Variants in SLC16A2 observed in about 807,000 individuals in gnomAD.
The protein encoded by SLC16A2 is solute carrier family 16 member 2.
A neutral mutation model predicts 27.2 loss-of-function variants in SLC16A2; 3 were observed. The ratio of observed to expected loss-of-function variants is 0.11; its 90% CI spans 0.05 to 0.28. The LOEUF is 0.28. Among genes scored for constraint, SLC16A2 ranks in the 10% least tolerant of loss-of-function variants. The probability of loss-of-function intolerance (pLI) is 1.00; values close to 1 mark genes in which losing one functional copy is unlikely to be tolerated. For synonymous variants in SLC16A2, 202 were observed against 187.8 expected (o/e 1.08, Z -0.62); for missense variants, 295 against 458.5 (o/e 0.64, Z 3.26).
chrX:74,463,711 T>G (rs1453575838), intron 1 of SLC16A2, among the ~76,000 whole-genome samples: 1 of 111,430 alleles, frequency 9.0e-6, no homozygotes, highest in Non-Finnish European at 1.9e-5. Context: ...GTATTTTTAG[T>G]AGAGACAGGG....
rs191354532 is a variant in SLC16A2 at position 74,451,346 on chromosome X, A to G, written c.430+29279A>G. Among the ~76,000 whole-genome samples, 9 of 112,198 alleles carry G rather than the reference A, an allele frequency of 8.0e-5. No homozygotes were observed. In the East Asian group the frequency reaches 2.3e-3, roughly 28 times the overall value. The stretch of plus-strand genomic sequence containing the variant: ...AAAGCATGTGTTTAATACTTTGAGA[A>G]GCTGGTTACTCATACCTCCCTCCTC... On this transcript the variant is annotated intron_variant, in intron 1 of 5. Transcript: ENST00000587091.
rs1928896972 is a variant in SLC16A2 at position 74,449,405 on chromosome X, A to G, written c.430+27338A>G. 3.6e-5 allele frequency among the ~76,000 whole-genome samples: 4 copies of G among 112,167 alleles called. No individual in the cohort carries two copies. The Admixed American group carries it at 3.8e-4, about 11-fold the overall frequency. On this transcript the variant is annotated intron_variant, in intron 1 of 5. Transcript: ENST00000587091. ...CTGCCTTCATTCATCGCATATCTTG[A>G]GTCCACTCTTGGAAAACATATGTTG...
intron 1 of SLC16A2, among the ~76,000 whole-genome samples, chrX:74,516,535 A>G (rs975045701): frequency 9.0e-6 from 1 of 111,283 alleles, no homozygotes; most frequent in African/African-American, 3.3e-5. Flanking sequence ...GTCGACACCA[A>G]TGATGTTGTA....
intron 1 of SLC16A2, among the ~76,000 whole-genome samples, chrX:74,447,695 A>G (rs1260903635): frequency 9.3e-6 from 1 of 107,519 alleles, no homozygotes; most frequent in Non-Finnish European, 1.9e-5. Context: ...AAAAAAAAAA[A>G]AGGCCGAGCA....
intron 1 of SLC16A2, among the ~76,000 whole-genome samples, chrX:74,454,404 A>G (rs975215370): frequency 1.8e-5 from 2 of 110,288 alleles, no homozygotes; most frequent in Non-Finnish European, 3.8e-5. Context: ...GCCATAAAAA[A>G]TGATGAGTTC....
intron 1 of SLC16A2, among the ~76,000 whole-genome samples, chrX:74,457,073 T>A (rs1041325322): frequency 9.1e-6 from 1 of 110,329 alleles, no homozygotes; most frequent in Non-Finnish European, 1.9e-5. Flanking sequence ...TTGTTACTGG[T>A]ATTTCTCAGC....
intron 1 of SLC16A2, among the ~76,000 whole-genome samples, chrX:74,504,877 C>A (rs1930096881): frequency 9.0e-6 from 1 of 111,447 alleles, no homozygotes; most frequent in African/African-American, 3.3e-5. Context: ...GTAGACCCAG[C>A]CACACGGGAG....
In SLC16A2 at chrX:74,532,090, G is replaced by A. The variant is rs1385469930; in HGVS notation, c.*537G>A. 5 of 136,013 alleles carry A rather than the reference G, an allele frequency of 3.7e-5. No homozygotes were observed. The East Asian group carries it at 9.2e-4, about 25-fold the overall frequency. 11.2% of individuals were successfully genotyped at this position (136,013 alleles called of 1,213,427 possible). On this transcript the variant is annotated 3_prime_UTR_variant, in exon 6 of 6. Coordinates refer to ENST00000587091, the MANE Select transcript of SLC16A2 (RefSeq NM_006517.5). ...GCTTCCCAAGAACTGGGTACAAGCA[G>A]TGCCCTTATTGTATGGTTGGTTAAC...
chrX:74,477,322 G>A (rs1481631421), intron 1 of SLC16A2, among the ~76,000 whole-genome samples: 1 of 111,529 alleles, frequency 9.0e-6, no homozygotes, highest in Non-Finnish European at 1.9e-5. Context: ...GATCGGTGGT[G>A]ATATCCCCTT....
At chrX:74,442,225 T>C (rs1489045123) in intron 1 of SLC16A2, among the ~76,000 whole-genome samples, 1 of 75,559 alleles carries the variant, frequency 1.3e-5, no homozygotes, top group Non-Finnish European at 2.4e-5. Flanking sequence ...TGAAACTCCG[T>C]CTCAAAAAAA....
Position 74,447,091 on chromosome X carries a change from A to G in SLC16A2, c.430+25024A>G, listed in dbSNP as rs757476971. Among the ~76,000 whole-genome samples, 16 of 112,162 alleles carry G rather than the reference A, an allele frequency of 1.4e-4. 1 individual carries two copies. Among genetic ancestry groups the G allele is most frequent in the African/African-American group, 1.9e-4 (6 of 30,832 alleles). The stretch of plus-strand genomic sequence containing the variant: ...AGAATGACGGAGTTACTTGTTTGCA[A>G]CAGAGAATGCATTCCTCCCCACCCT... On this transcript the variant is annotated intron_variant, in intron 1 of 5. Transcript: ENST00000587091.
chrX:74,435,512 CAT>C (rs59237827), intron 1 of SLC16A2, among the ~76,000 whole-genome samples: 5 of 7,743 alleles, frequency 6.5e-4, no homozygotes, highest in Admixed American at 5.2e-3. Flanking sequence ...TATGTATATG[CAT>C]ATATATATAT....
chrX:74,505,855 C>A, intron 1 of SLC16A2, among the ~76,000 whole-genome samples: 1 of 112,000 alleles, frequency 8.9e-6, no homozygotes, highest in East Asian at 2.8e-4. Flanking sequence ...TCAAAAGTGG[C>A]CTTAAAGCTA....
Position 74,439,296 on chromosome X carries a change from CCTTCCTTT to C in SLC16A2, c.430+17241_430+17248del, listed in dbSNP as rs1213628203. Reference sequence around the variant, plus strand: ...TCCTTCCTCCCTCCCTTCCTTCCTTCCTTCCTTTCTTCCTTTCTTTCTTTTTTTTTTGA... The same window carrying C: ...TCCTTCCTCCCTCCCTTCCTTCCTTCCTTCCTTTCTTTCTTTTTTTTTTGA... On this transcript the variant is annotated intron_variant, in intron 1 of 5. Coordinates refer to ENST00000587091, the MANE Select transcript of SLC16A2 (RefSeq NM_006517.5). Among the ~76,000 whole-genome samples the C allele has an allele frequency of 3.1e-5, 3 of 95,841 alleles. No homozygotes were observed. In the East Asian group the frequency reaches 1.0e-3, roughly 32 times the overall value. 83.2% of individuals were successfully genotyped at this position (95,841 alleles called of 115,157 possible). A position where few individuals can be genotyped will look rare whatever the true frequency, so the allele number is the denominator to read the frequency against.
chrX:74,501,992 A>AT (rs1437989188), intron 1 of SLC16A2, among the ~76,000 whole-genome samples: 4 of 111,617 alleles, frequency 3.6e-5, no homozygotes, highest in African/African-American at 1.3e-4. Context: ...TAATTTGAAC[A>AT]TAAAAAAAAC....
intron 1 of SLC16A2, among the ~76,000 whole-genome samples, chrX:74,444,909 G>A (rs1461389035): frequency 1.8e-5 from 2 of 111,687 alleles, no homozygotes; most frequent in Non-Finnish European, 3.8e-5. Context: ...TCCATGACAG[G>A]GAATCACACA....
chrX:74,456,161 C>A (rs1287323279), intron 1 of SLC16A2, among the ~76,000 whole-genome samples: 1 of 111,805 alleles, frequency 8.9e-6, no homozygotes, highest in Admixed American at 9.5e-5. Flanking sequence ...TGCCAGGTGG[C>A]AGGAGGGCAC....
In SLC16A2 at chrX:74,533,052, C is replaced by T. The variant is rs1930594997; in HGVS notation, c.*1499C>T. The T allele has an allele frequency of 8.9e-6, 1 of 112,130 alleles. No individual in the cohort carries two copies. Among genetic ancestry groups the T allele is most frequent in the African/African-American group, 3.3e-5 (1 of 30,694 alleles). 9.2% of individuals were successfully genotyped at this position (112,130 alleles called of 1,213,427 possible). On this transcript the variant is annotated 3_prime_UTR_variant, in exon 6 of 6. Transcript: ENST00000587091. ...GCCTCTTTGTGTCTCTTTTTCTCCT[C>T]TCTGAGCCTTTGTCTATTGTGTTCC...
intron 1 of SLC16A2, among the ~76,000 whole-genome samples, chrX:74,423,898 G>A (rs919370316): frequency 4.0e-4 from 45 of 111,682 alleles, no homozygotes; most frequent in African/African-American, 1.3e-3. Flanking sequence ...GCTGAAGCTA[G>A]GCCCTGGCAT....
Sources: gnomAD v4.1 joint callset for allele counts (sites outside exome capture counted in the v4.1 genomes callset) on GRCh38, gnomAD v4.1.1 for gene constraint, MANE v1.5 for transcripts, NCBI Gene and HGNC (gene_info 2026-07-23, HGNC 2026-07-21) for gene names.